Variants in NKAIN2 observed in about 807,000 individuals in gnomAD.
The protein encoded by NKAIN2 is sodium/potassium-transporting ATPase subunit beta-1-interacting protein 2.
In NKAIN2, 14 loss-of-function variants were observed where a neutral mutation model predicts 32.6. That is an observed-to-expected ratio of 0.43 (90% CI 0.28 to 0.67). The LOEUF is 0.67. Among genes scored for constraint, NKAIN2 ranks in the 30% least tolerant of loss-of-function variants. The pLI is 0.17. For synonymous variants in NKAIN2, 80 were observed against 87.2 expected (o/e 0.92, Z 0.46); for missense variants, 198 against 258.3 (o/e 0.77, Z 1.60).
intron 1 of NKAIN2, among the ~76,000 whole-genome samples, chr6:124,155,759 A>G (rs2114418977): frequency 6.6e-6 from 1 of 152,264 alleles, no homozygotes; most frequent in Non-Finnish European, 1.5e-5. Context: ...TGATGGTAAT[A>G]GATAATTGAC....
At chr6:123,869,730 T>C (rs1414853636) in intron 1 of NKAIN2, among the ~76,000 whole-genome samples, 2 of 152,176 alleles carry the variant, frequency 1.3e-5, no homozygotes, top group South Asian at 2.1e-4. Context: ...AACAAAGATA[T>C]TGTTCTCTGT....
At chr6:124,237,438 T>G (rs913988823) in intron 1 of NKAIN2, among the ~76,000 whole-genome samples, 1 of 152,146 alleles carries the variant, frequency 6.6e-6, no homozygotes, top group Admixed American at 6.6e-5. Context: ...AGTGGCTAGT[T>G]AGTAAGCAGG....
chr6:123,910,497 A>ATT (rs1775116027), intron 1 of NKAIN2, among the ~76,000 whole-genome samples: 4 of 97,804 alleles, frequency 4.1e-5, no homozygotes, highest in East Asian at 3.2e-4. Context: ...CCTGCAATGC[A>ATT]TGTTTTTTTT....
chr6:124,623,389 C>CT (rs1783184055), intron 3 of NKAIN2, among the ~76,000 whole-genome samples: 1 of 152,128 alleles, frequency 6.6e-6, no homozygotes, highest in Non-Finnish European at 1.5e-5. Flanking sequence ...GCATGTGTGG[C>CT]TTATCAGTAG....
At chr6:124,558,912 G>A (rs1226544846) in intron 3 of NKAIN2, among the ~76,000 whole-genome samples, 2 of 152,114 alleles carry the variant, frequency 1.3e-5, no homozygotes, top group East Asian at 1.9e-4. Flanking sequence ...TCATACCATT[G>A]CGCTCCAGCT....
intron 3 of NKAIN2, among the ~76,000 whole-genome samples, chr6:124,436,000 A>G (rs332620): frequency 0.3 from 46,114 of 152,042 alleles, 7,608 homozygotes; most frequent in African/African-American, 0.43. Context: ...CGAAATATTC[A>G]CTTTATTACT....
chr6:124,110,245 G>C, intron 1 of NKAIN2, among the ~76,000 whole-genome samples: 1 of 150,960 alleles, frequency 6.6e-6, no homozygotes, highest in East Asian at 1.9e-4. Flanking sequence ...ATCAATAAAT[G>C]TGATGCATCA....
At chr6:124,323,136 T>C (rs1797262802) in intron 2 of NKAIN2, among the ~76,000 whole-genome samples, 1 of 152,190 alleles carries the variant, frequency 6.6e-6, no homozygotes, top group Non-Finnish European at 1.5e-5. Flanking sequence ...GGTTTTATAT[T>C]ATTAACTTTT....
intron 2 of NKAIN2, among the ~76,000 whole-genome samples, chr6:124,301,859 A>G (rs1397857016): frequency 3.3e-5 from 5 of 152,168 alleles, no homozygotes; most frequent in Admixed American, 6.5e-5. Flanking sequence ...AGGGACTTGC[A>G]TTGCCTCAGA....
intron 3 of NKAIN2, among the ~76,000 whole-genome samples, chr6:124,361,651 T>C (rs899740629): frequency 1.3e-5 from 2 of 152,056 alleles, no homozygotes; most frequent in African/African-American, 4.8e-5. Flanking sequence ...GCTTCAGAGA[T>C]CTAGATATAA....
At chr6:124,164,617 C>T (rs1293137826) in intron 1 of NKAIN2, among the ~76,000 whole-genome samples, 1 of 151,988 alleles carries the variant, frequency 6.6e-6, no homozygotes, top group South Asian at 2.1e-4. Flanking sequence ...ATGTTGATTA[C>T]GTAAGAGTAA....
chr6:124,559,316 G>T (rs1392268709), intron 3 of NKAIN2, among the ~76,000 whole-genome samples: 3 of 152,138 alleles, frequency 2.0e-5, no homozygotes, highest in Non-Finnish European at 4.4e-5. Context: ...AGACTCAGGG[G>T]TTTTGAGAGT....
intron 3 of NKAIN2, among the ~76,000 whole-genome samples, chr6:124,465,824 C>T (rs749828169): frequency 2.6e-5 from 4 of 151,868 alleles, no homozygotes; most frequent in Non-Finnish European, 4.4e-5. Flanking sequence ...TAATATATTG[C>T]ATCAATAGTT....
chr6:123,849,990 T>G (rs1775263234), intron 1 of NKAIN2, among the ~76,000 whole-genome samples: 1 of 141,566 alleles, frequency 7.1e-6, no homozygotes, highest in Admixed American at 7.4e-5. Flanking sequence ...TAACTTTCTG[T>G]GGAGATGAGG....
In NKAIN2 at chr6:124,575,726, A is replaced by T. The variant is rs1781306558; in HGVS notation, c.274-82460A>T. 2.0e-5 allele frequency among the ~76,000 whole-genome samples: 3 copies of T among 152,116 alleles called. No homozygotes were observed. The South Asian group carries it at 6.2e-4, about 32-fold the overall frequency. ...TCCTTGGCTATATTTTTTTTCATGG[A>T]CTCAAGAAATGAAGCTCCAGGTGAT... On this transcript the variant is annotated intron_variant, in intron 3 of 6. Coordinates refer to ENST00000368417, the MANE Select transcript of NKAIN2 (RefSeq NM_001040214.3).
intron 1 of NKAIN2, among the ~76,000 whole-genome samples, chr6:123,827,696 A>T (rs1195170921): frequency 6.6e-6 from 1 of 152,186 alleles, no homozygotes; most frequent in East Asian, 1.9e-4. Flanking sequence ...AACATAGTAA[A>T]ACTCAGAAAT....
At chr6:123,893,363 G>A (rs1774109742) in intron 1 of NKAIN2, among the ~76,000 whole-genome samples, 1 of 152,100 alleles carries the variant, frequency 6.6e-6, no homozygotes, top group Non-Finnish European at 1.5e-5. Context: ...ACTGTGCCTG[G>A]CTAATTAAAA....
At chr6:124,598,260 A>T (rs528315313) in intron 3 of NKAIN2, among the ~76,000 whole-genome samples, 1 of 152,266 alleles carries the variant, frequency 6.6e-6, no homozygotes, top group African/African-American at 2.4e-5. Context: ...TTAAAATTGT[A>T]ATTATCATCT....
At chr6:123,812,168 A>T (rs933143158) in intron 1 of NKAIN2, among the ~76,000 whole-genome samples, 5 of 152,150 alleles carry the variant, frequency 3.3e-5, no homozygotes, top group Non-Finnish European at 5.9e-5. Flanking sequence ...GCTTGCAGTG[A>T]ACCAAGAAAT....
Sources: allele counts gnomAD v4.1 joint callset (sites outside exome capture counted in the v4.1 genomes callset), GRCh38; gene constraint gnomAD v4.1.1; transcripts MANE v1.5; gene names NCBI Gene and HGNC (gene_info 2026-07-23, HGNC 2026-07-21).